Variants in PATJ observed in about 807,000 individuals in gnomAD.
PATJ encodes inaD-like protein.
A neutral mutation model predicts 224.9 loss-of-function variants in PATJ; 190 were observed. The ratio of observed to expected loss-of-function variants is 0.84; its 90% CI spans 0.75 to 0.95. PATJ has a LOEUF of 0.95. Among genes scored for constraint, PATJ ranks in the 40% least tolerant of loss-of-function variants. The probability of loss-of-function intolerance (pLI) is 0.00; values close to 1 mark genes in which losing one functional copy is unlikely to be tolerated. For synonymous variants in PATJ, 769 were observed against 820.3 expected, an observed-to-expected ratio of 0.94 and a Z score of 1.07; for missense variants, 2,121 against 2,270.3, an observed-to-expected ratio of 0.93 and a Z score of 1.34.
chr1:61,980,074 C>T (rs1644367824), intron 27 of PATJ, among the ~76,000 whole-genome samples: 2 of 151,974 alleles, frequency 1.3e-5, no homozygotes, highest in African/African-American at 4.8e-5. Context: ...GCTGTTTTCT[C>T]AAATGCGAAG....
intron 37 of PATJ, chr1:62,117,421 T>C: frequency 1.4e-6 from 2 of 1,399,516 alleles, no homozygotes; most frequent in Non-Finnish European, 1.9e-6. Flanking sequence ...CTCTCCTTTA[T>C]TGCTTGCAAA....
intron 41 of PATJ, among the ~76,000 whole-genome samples, chr1:62,142,086 A>T (rs1667558967): frequency 6.6e-6 from 1 of 152,204 alleles, no homozygotes; most frequent in South Asian, 2.1e-4. Flanking sequence ...TAAAGGAAGG[A>T]GCAGGCTGCT....
intron 33 of PATJ, among the ~76,000 whole-genome samples, chr1:62,087,507 G>A (rs1472074515): frequency 1.3e-5 from 2 of 151,900 alleles, no homozygotes; most frequent in Non-Finnish European, 2.9e-5. Flanking sequence ...TTGGACCAAG[G>A]GTTTCAGGCT....
Position 61,791,331 on chromosome 1 carries a change from T to G in PATJ, c.1069-17T>G, listed in dbSNP as rs1445814031. ...TGCCACTAAGCATATATAATTAAAT[T>G]TGTTTTTTCCTTTTAGGACAGTTCT... On this transcript the variant is annotated splice_polypyrimidine_tract_variant and intron_variant, in intron 8 of 43. Transcript: ENST00000642238. The G allele has an allele frequency of 6.8e-7, 1 of 1,467,716 alleles. No homozygotes were observed. The allele number at this position is 1,467,716 out of a possible 1,614,324, so 90.9% of individuals were successfully genotyped here.
At chr1:61,899,227 G>A (rs1247974776) in intron 22 of PATJ, among the ~76,000 whole-genome samples, 2 of 152,104 alleles carry the variant, frequency 1.3e-5, no homozygotes, top group East Asian at 3.9e-4. Flanking sequence ...CTGTGTCTTA[G>A]CTGGTCAAAC....
At chr1:61,875,464 C>G (rs1272642088) in intron 21 of PATJ, 98 bp downstream of exon 21, 1 of 931,472 alleles carries the variant, frequency 1.1e-6, no homozygotes, top group Non-Finnish European at 1.6e-6. Context: ...TATTTTTATT[C>G]ATTATGATGC....
chr1:61,846,722 G>A (rs1283872853), intron 17 of PATJ, among the ~76,000 whole-genome samples: 6 of 152,082 alleles, frequency 3.9e-5, no homozygotes, highest in Admixed American at 1.3e-4. Context: ...TCAGCCTCGC[G>A]AGTAGCTGGG....
Position 62,051,032 on chromosome 1 carries a change from T to C in PATJ, c.4099T>C (p.Leu1367=). 6.2e-7 allele frequency: 1 copy of C among 1,613,652 alleles called. No homozygotes were observed. The highest frequency in any genetic ancestry group is 8.5e-7 in the Non-Finnish European group (1 of 1,179,578). Residue 1367 remains leucine (L), a synonymous_variant, in exon 31 of 44, where the codon TTG becomes CTG. Coordinates refer to ENST00000642238, the MANE Select transcript of PATJ (RefSeq NM_001350145.3). ...DGSVEVGIKQ[L]PESESFKLAV... The stretch of plus-strand genomic sequence containing the variant: ...CAGCGTCGAAGTTGGTATTAAACAA[T>C]TGCCTGAAAGTGAAAGCTTCAAACT...
intron 42 of PATJ, 39 bp downstream of exon 42, chr1:62,148,429 G>A: frequency 7.0e-7 from 1 of 1,432,938 alleles, no homozygotes; most frequent in Non-Finnish European, 9.9e-7. Flanking sequence ...TATGCATGTG[G>A]GCAAAGCTCG....
intron 10 of PATJ, among the ~76,000 whole-genome samples, chr1:61,796,714 C>CTT (rs1404767777): frequency 0.016 from 536 of 34,262 alleles, 5 homozygotes; most frequent in East Asian, 0.071. Context: ...TTCTTTCTTT[C>CTT]TTTCTTTCTT....
chr1:62,093,390 T>C (rs1237764482), intron 33 of PATJ, among the ~76,000 whole-genome samples: 6 of 152,242 alleles, frequency 3.9e-5, no homozygotes, highest in African/African-American at 1.2e-4. Context: ...ATAAGCAGAA[T>C]AGAAAGCTAT....
chr1:61,864,179 A>C, intron 19 of PATJ, 59 bp from the exon 20 acceptor site: 1 of 1,469,882 alleles, frequency 6.8e-7, no homozygotes, highest in Non-Finnish European at 9.2e-7. Context: ...CAGTTTATCT[A>C]TATAGTGCAG....
chr1:62,111,992 G>T (rs921113737), intron 34 of PATJ, among the ~76,000 whole-genome samples: 1 of 151,892 alleles, frequency 6.6e-6, no homozygotes, highest in Non-Finnish European at 1.5e-5. Flanking sequence ...TGTTATTCTG[G>T]ATGTAGCTCA....
chr1:62,072,918 T>G (rs1317547895), intron 31 of PATJ: 2 of 458,256 alleles, frequency 4.4e-6, no homozygotes, highest in African/African-American at 4.3e-5. Context: ...TTTGGTCATT[T>G]TTGTAGTAGA....
At chr1:62,095,033 C>G (rs1427260575) in intron 33 of PATJ, among the ~76,000 whole-genome samples, 1 of 152,144 alleles carries the variant, frequency 6.6e-6, no homozygotes, top group African/African-American at 2.4e-5. Flanking sequence ...CAGCTACAGT[C>G]CCTCAGGTTT....
chr1:61,879,343 A>G (rs897434120), intron 21 of PATJ, among the ~76,000 whole-genome samples: 3 of 152,148 alleles, frequency 2.0e-5, no homozygotes, highest in Non-Finnish European at 4.4e-5. Flanking sequence ...ATTCCAGGAA[A>G]TTGGGAAGGA....
chr1:61,773,474 C>G (rs1338809157), intron 6 of PATJ, among the ~76,000 whole-genome samples: 1 of 151,700 alleles, frequency 6.6e-6, no homozygotes, highest in Non-Finnish European at 1.5e-5. Flanking sequence ...TTGAGACCAG[C>G]CTGGGGAACA....
intron 41 of PATJ, among the ~76,000 whole-genome samples, chr1:62,138,312 C>CTGTT (rs546776869): frequency 6.6e-6 from 1 of 151,960 alleles, no homozygotes; most frequent in Non-Finnish European, 1.5e-5. Flanking sequence ...CCTAAGTTTT[C>CTGTT]TGTTTGTTTG....
chr1:61,762,807 A>G lies in PATJ; in HGVS notation c.-35-51A>G, dbSNP rs1466362287. 3 of 762,690 alleles carry G rather than the reference A, an allele frequency of 3.9e-6. No individual in the cohort carries two copies. The African/African-American group carries it at 5.3e-5, about 14-fold the overall frequency. The allele number at this position is 762,690 out of a possible 1,614,324, so 47.2% of individuals were successfully genotyped here. A position where few individuals can be genotyped will look rare whatever the true frequency, so the allele number is the denominator to read the frequency against. On this transcript the variant is annotated intron_variant, in intron 1 of 43. Coordinates refer to ENST00000642238, the MANE Select transcript of PATJ (RefSeq NM_001350145.3). ...TTCCTTAATTTTTCTACAGGATTGT[A>G]GCCATATACAATTGAAATTCATCTT... is the stretch of plus-strand genomic sequence containing the variant.
Sources: gnomAD v4.1 joint callset for allele counts (sites outside exome capture counted in the v4.1 genomes callset) on GRCh38, gnomAD v4.1.1 for gene constraint, MANE v1.5 for transcripts, NCBI Gene and HGNC (gene_info 2026-07-23, HGNC 2026-07-21) for gene names.